Variants in RALGAPA1 observed in about 807,000 individuals in gnomAD.
The protein encoded by RALGAPA1 is ral GTPase-activating protein subunit alpha-1.
In RALGAPA1, 52 loss-of-function variants were observed where a neutral mutation model predicts 269.6. The observed-to-expected ratio is 0.19, with a 90% CI of 0.15 to 0.24. The LOEUF (loss-of-function observed/expected upper bound fraction) is 0.24. Ranked by LOEUF, RALGAPA1 falls within the 10% of genes least tolerant of loss-of-function variation. The probability of loss-of-function intolerance (pLI) is 1.00; values close to 1 mark genes in which losing one functional copy is unlikely to be tolerated. For missense variants in RALGAPA1, 1,917 were observed against 3,013.9 expected (o/e 0.64, Z 8.52); for synonymous variants, 817 against 1,008.3 (o/e 0.81, Z 3.60).
At chr14:35,740,076 T>C (rs2071405052) in intron 11 of RALGAPA1, among the ~76,000 whole-genome samples, 1 of 152,168 alleles carries the variant, frequency 6.6e-6, no homozygotes, top group Non-Finnish European at 1.5e-5. Context: ...GTGTTACCTT[T>C]CCCATTTGTC....
Position 35,570,584 on chromosome 14 carries a change from A to T in RALGAPA1, c.7496+33T>A, listed in dbSNP as rs373514611. 76 of 1,549,482 alleles carry T rather than the reference A, an allele frequency of 4.9e-5. No homozygotes were observed. The African/African-American group carries it at 9.6e-4, about 20-fold the overall frequency. On this transcript the variant is annotated intron_variant, in intron 39 of 41. Transcript: ENST00000680220. ...TTACCTTTGTGAGTAGACATACGTTAGAGTAGAAACCATTACATTAAAAAA... is the reference window on the plus strand; with the variant it reads ...TTACCTTTGTGAGTAGACATACGTTTGAGTAGAAACCATTACATTAAAAAA...
chr14:35,572,940 A>G, intron 37 of RALGAPA1: 1 of 297,532 alleles, frequency 3.4e-6, no homozygotes, highest in Admixed American at 5.1e-5. Context: ...GAGAACTTAG[A>G]TTTAAAAAGA....
intron 12 of RALGAPA1, among the ~76,000 whole-genome samples, chr14:35,734,542 C>T (rs1455732697): frequency 6.6e-6 from 1 of 152,128 alleles, no homozygotes; most frequent in Non-Finnish European, 1.5e-5. Context: ...TAATCTTATA[C>T]AAAAATCAAC....
At chr14:35,602,237 C>T (rs1326220130) in intron 36 of RALGAPA1, among the ~76,000 whole-genome samples, 1 of 152,178 alleles carries the variant, frequency 6.6e-6, no homozygotes, top group African/African-American at 2.4e-5. Context: ...TGGGTTGTTT[C>T]TACCGTTTTG....
At chr14:35,551,802 T>A (rs1317978152) in intron 39 of RALGAPA1, among the ~76,000 whole-genome samples, 1 of 151,994 alleles carries the variant, frequency 6.6e-6, no homozygotes. Context: ...ACTAAAATTA[T>A]CCAGATATAA....
intron 21 of RALGAPA1, among the ~76,000 whole-genome samples, chr14:35,682,986 C>A (rs1234028291): frequency 6.6e-6 from 1 of 152,176 alleles, no homozygotes. Context: ...AGGAAATATG[C>A]TTGACTAGTT....
intron 1 of RALGAPA1, among the ~76,000 whole-genome samples, chr14:35,800,796 G>A (rs891651537): frequency 6.6e-6 from 1 of 152,152 alleles, no homozygotes; most frequent in African/African-American, 2.4e-5. Context: ...CTTGAGGTCA[G>A]GAGTTTGAGA....
chr14:35,547,485 G>A (rs1283023855), intron 41 of RALGAPA1, among the ~76,000 whole-genome samples: 1 of 152,070 alleles, frequency 6.6e-6, no homozygotes, highest in Non-Finnish European at 1.5e-5. Context: ...TCCAAGTGTG[G>A]TTCTATTATC....
chr14:35,747,732 A>C (rs1193489625), intron 10 of RALGAPA1, among the ~76,000 whole-genome samples: 1 of 152,180 alleles, frequency 6.6e-6, no homozygotes, highest in Non-Finnish European at 1.5e-5. Flanking sequence ...CTCAGCTGCA[A>C]AACTCAATGT....
rs781640290 is a variant in RALGAPA1 at position 35,542,808 on chromosome 14, CT to C, written c.*24-3119del. Among the ~76,000 whole-genome samples the C allele has an allele frequency of 2.0e-5, 3 of 152,252 alleles. No homozygotes were observed. In the East Asian group the frequency reaches 5.8e-4, roughly 29 times the overall value. On this transcript the variant is annotated intron_variant, in intron 41 of 41. Coordinates refer to ENST00000680220, the MANE Select transcript of RALGAPA1 (RefSeq NM_001346249.2). ...AACATTCTTACAGTGCTCACACAGACTGTGTAATCTGATGGGATAAATTGAT... is the reference window on the plus strand; with the variant it reads ...AACATTCTTACAGTGCTCACACAGACGTGTAATCTGATGGGATAAATTGAT...
chr14:35,654,314 C>A, intron 30 of RALGAPA1, 53 bp downstream of exon 30: 2 of 1,472,918 alleles, frequency 1.4e-6, no homozygotes, highest in Non-Finnish European at 1.8e-6. Context: ...TCAAAGTATC[C>A]AAATCTAAAA....
chr14:35,703,652 T>A (rs536814207), intron 16 of RALGAPA1, among the ~76,000 whole-genome samples: 1 of 152,324 alleles, frequency 6.6e-6, no homozygotes, highest in Admixed American at 6.5e-5. Flanking sequence ...AATTAGCTAT[T>A]GAGATCTTTT....
At chr14:35,575,264 G>A (rs1428310577) in intron 37 of RALGAPA1, among the ~76,000 whole-genome samples, 1 of 152,134 alleles carries the variant, frequency 6.6e-6, no homozygotes, top group Non-Finnish European at 1.5e-5. Context: ...TCTGTACATG[G>A]GATAGGTCTG....
rs550506364 is a variant in RALGAPA1, at chr14:35,637,115, C to T, written c.5677-1517G>A. On this transcript the variant is annotated intron_variant, in intron 31 of 41. Coordinates refer to ENST00000680220, the MANE Select transcript of RALGAPA1 (RefSeq NM_001346249.2). ...CTTAGGGGGAGAAGACAAACAAACC[C>T]AGACTGCGAAGACTATGATAAATAC... Among the ~76,000 whole-genome samples, 59 of 152,244 alleles carry T rather than the reference C, an allele frequency of 3.9e-4. 1 individual carries two copies. The South Asian group carries it at 0.012, about 31-fold the overall frequency.
chr14:35,750,246 AAAT>A (rs1227302390), intron 9 of RALGAPA1, among the ~76,000 whole-genome samples: 1 of 152,168 alleles, frequency 6.6e-6, no homozygotes, highest in Non-Finnish European at 1.5e-5. Flanking sequence ...TAAAATACAG[AAAT>A]AAGAAGCTGA....
At chr14:35,743,499 C>T (rs976264768) in intron 10 of RALGAPA1, among the ~76,000 whole-genome samples, 2 of 152,094 alleles carry the variant, frequency 1.3e-5, no homozygotes, top group Non-Finnish European at 2.9e-5. Flanking sequence ...TTTTTTGTAA[C>T]TCACATTATT....
chr14:35,769,952 T>C (rs908431024), intron 4 of RALGAPA1, among the ~76,000 whole-genome samples: 3 of 152,292 alleles, frequency 2.0e-5, no homozygotes, highest in South Asian at 4.1e-4. Flanking sequence ...TAAACTTCTA[T>C]AGCTATCTTA....
intron 1 of RALGAPA1, among the ~76,000 whole-genome samples, chr14:35,804,019 T>C (rs1286522791): frequency 1.3e-5 from 2 of 152,098 alleles, no homozygotes; most frequent in African/African-American, 4.8e-5. Context: ...TACAATGGTC[T>C]TGGGAGGCCG....
At chr14:35,665,421 A>C (rs1318822776) in intron 26 of RALGAPA1, among the ~76,000 whole-genome samples, 2 of 152,212 alleles carry the variant, frequency 1.3e-5, no homozygotes, top group African/African-American at 2.4e-5. Flanking sequence ...CTTCCTACTA[A>C]TATATTGTTT....
Sources: allele counts gnomAD v4.1 joint callset (sites outside exome capture counted in the v4.1 genomes callset), GRCh38; gene constraint gnomAD v4.1.1; transcripts MANE v1.5; gene names NCBI Gene and HGNC (gene_info 2026-07-23, HGNC 2026-07-21).